The following GPR158 variants were observed in gnomAD, a reference collection of about 807,000 sequenced individuals.
The protein encoded by GPR158 is G protein-coupled receptor 158.
In GPR158, 30 loss-of-function variants were observed where a neutral mutation model predicts 78.2. That is an observed-to-expected ratio of 0.38 (90% CI 0.29 to 0.52). The LOEUF (loss-of-function observed/expected upper bound fraction) is 0.52, where lower values mean the gene tolerates loss of function less well. GPR158 is among the 20% of genes least tolerant of loss of function. The pLI is 0.83. For missense variants in GPR158, 1,463 were observed against 1,523.5 expected (o/e 0.96, Z 0.66); for synonymous variants, 581 against 591.1 (o/e 0.98, Z 0.25).
intron 2 of GPR158, among the ~76,000 whole-genome samples, chr10:25,382,706 A>G (rs1305027424): frequency 6.6e-6 from 1 of 152,168 alleles, no homozygotes; most frequent in Non-Finnish European, 1.5e-5. Flanking sequence ...GGCTTTAATA[A>G]ACTTGCAAAT....
chr10:25,338,490 AAT>A (rs1490373301), intron 2 of GPR158, among the ~76,000 whole-genome samples: 1 of 131,178 alleles, frequency 7.6e-6, no homozygotes, highest in Admixed American at 7.5e-5. Flanking sequence ...ATATACGTAT[AAT>A]ATACGTATAT....
intron 6 of GPR158, among the ~76,000 whole-genome samples, chr10:25,562,147 A>G (rs899348655): frequency 6.6e-6 from 1 of 151,938 alleles, no homozygotes; most frequent in African/African-American, 2.4e-5. Flanking sequence ...ACATAAAGTC[A>G]GTAGAAATAT....
rs200728149 is a variant in GPR158 at position 25,206,272 on chromosome 10, C to T, written c.903-14780C>T. Among the ~76,000 whole-genome samples, 5 of 152,120 alleles carry T rather than the reference C, an allele frequency of 3.3e-5. No individual in the cohort carries two copies. In the East Asian group the frequency reaches 9.6e-4, roughly 29 times the overall value. ...AAAGTGCTGGGATTACAGGCGTGAGCCACCGCGCCCGGCCCAGATATGGGT... is the reference window on the plus strand; with the variant it reads ...AAAGTGCTGGGATTACAGGCGTGAGTCACCGCGCCCGGCCCAGATATGGGT... On this transcript the variant is annotated intron_variant, in intron 1 of 10. Transcript: ENST00000376351.
chr10:25,596,614 G>A (rs947885665), intron 9 of GPR158, 29 bp from the exon 10 acceptor site: 1 of 1,589,054 alleles, frequency 6.3e-7, no homozygotes, highest in Non-Finnish European at 8.6e-7. Flanking sequence ...GTGAGCTAAT[G>A]TCTACTGCTC....
At chr10:25,582,373 A>T (rs757942814) in intron 7 of GPR158, among the ~76,000 whole-genome samples, 8 of 152,174 alleles carry the variant, frequency 5.3e-5, no homozygotes, top group Non-Finnish European at 8.8e-5. Flanking sequence ...CCCATGGGAA[A>T]CTGAAAACTT....
chr10:25,598,364 C>T lies in GPR158; in HGVS notation c.2738C>T (p.Thr913Ile), dbSNP rs1837440740. 6.2e-7 allele frequency: 1 copy of T among 1,613,976 alleles called. No individual in the cohort carries two copies. Among genetic ancestry groups the T allele is most frequent in the Admixed American group, 1.7e-5 (1 of 59,996 alleles). The stretch of plus-strand genomic sequence containing the variant: ...GTCATAGCAAGCGCCAAGGAGAAGA[C>T]TCTTGGATTAGCTGGGAAAACCCAA... ...LSVIASAKEKTLGLAGKTQTA... is the reference protein window; with the variant it reads ...LSVIASAKEKILGLAGKTQTA... Residue 913 changes from threonine to isoleucine, a missense_variant, in exon 11 of 11, where the codon ACT becomes ATT. Coordinates refer to ENST00000376351, the MANE Select transcript of GPR158 (RefSeq NM_020752.3).
chr10:25,262,561 T>C (rs1352658994), intron 2 of GPR158, among the ~76,000 whole-genome samples: 1 of 152,112 alleles, frequency 6.6e-6, no homozygotes, highest in East Asian at 1.9e-4. Flanking sequence ...TTTTGCAAAA[T>C]TAATAAACAT....
chr10:25,492,911 A>C (rs1166454932), intron 5 of GPR158, among the ~76,000 whole-genome samples: 1 of 148,944 alleles, frequency 6.7e-6, no homozygotes, highest in Non-Finnish European at 1.5e-5. Context: ...TTAATATATA[A>C]TATATTTCAA....
rs563034114 is a variant in GPR158 at position 25,555,535 on chromosome 10, C to T, written c.1514+4450C>T. Among the ~76,000 whole-genome samples, 30 of 152,260 alleles carry T rather than the reference C, an allele frequency of 2.0e-4. No individual in the cohort carries two copies. In the South Asian group the frequency reaches 5.6e-3, roughly 28 times the overall value. ...GGGTTCACAGAACCCCCCTGCTAAG[C>T]AATTTTCTTTTACAGAAACTTGAGA... On this transcript the variant is annotated intron_variant, in intron 6 of 10. Transcript: ENST00000376351.
At chr10:25,326,733 A>G (rs1855039617) in intron 2 of GPR158, among the ~76,000 whole-genome samples, 1 of 152,224 alleles carries the variant, frequency 6.6e-6, no homozygotes, top group South Asian at 2.1e-4. Context: ...GAATATTATT[A>G]AGAGAGTAGA....
chr10:25,570,370 TG>T (rs1344531181), intron 6 of GPR158, among the ~76,000 whole-genome samples: 1 of 152,242 alleles, frequency 6.6e-6, no homozygotes, highest in African/African-American at 2.4e-5. Context: ...CCAGTCTTTT[TG>T]AAATAAGGCC....
At chr10:25,265,451 A>C (rs1302569026) in intron 2 of GPR158, among the ~76,000 whole-genome samples, 4 of 152,148 alleles carry the variant, frequency 2.6e-5, no homozygotes, top group Non-Finnish European at 5.9e-5. Flanking sequence ...TGGGCATGTA[A>C]TAGAAAGGAG....
chr10:25,512,961 G>C (rs1836104562), intron 5 of GPR158, among the ~76,000 whole-genome samples: 1 of 151,944 alleles, frequency 6.6e-6, no homozygotes, highest in South Asian at 2.1e-4. Context: ...TTTTGCATCT[G>C]TGTTCATCAG....
At chr10:25,290,058 A>G (rs1290652825) in intron 2 of GPR158, among the ~76,000 whole-genome samples, 2 of 152,212 alleles carry the variant, frequency 1.3e-5, no homozygotes, top group Admixed American at 1.3e-4. Context: ...CTATGAGGTC[A>G]CAAACACAAA....
intron 2 of GPR158, among the ~76,000 whole-genome samples, chr10:25,305,971 T>C (rs74126540): frequency 5.9e-5 from 9 of 152,326 alleles, no homozygotes; most frequent in African/African-American, 2.2e-4. Context: ...TAATGATTCA[T>C]GTATTTTCAT....
chr10:25,342,878 TAGG>T (rs1855321738), intron 2 of GPR158, among the ~76,000 whole-genome samples: 1 of 151,806 alleles, frequency 6.6e-6, no homozygotes, highest in South Asian at 2.1e-4. Flanking sequence ...CGTTTCTGGT[TAGG>T]AGATGTTTCT....
chr10:25,598,948 C>G lies in GPR158; in HGVS notation c.3322C>G (p.Arg1108Gly). The part of the protein sequence containing the change: ...RAKEENGGQP[R>G]AANVCAGQSE... ...AAAAGAGGAGAACGGAGGTCAGCCT[C>G]GTGCAGCCAATGTGTGTGCTGGGCA... Residue 1108 changes from arginine (R) to glycine (G), a missense_variant, in exon 11 of 11, where the codon CGT becomes GGT. By Grantham distance (125) the Arg-to-Gly change is moderately radical (BLOSUM62 -2). Coordinates refer to ENST00000376351, the MANE Select transcript of GPR158 (RefSeq NM_020752.3). 1 of 1,613,964 alleles carries G rather than the reference C, an allele frequency of 6.2e-7. No individual in the cohort carries two copies. Among genetic ancestry groups the G allele is most frequent in the Non-Finnish European group, 8.5e-7 (1 of 1,179,992 alleles).
intron 2 of GPR158, among the ~76,000 whole-genome samples, chr10:25,384,722 A>G (rs1834200214): frequency 6.6e-6 from 1 of 151,556 alleles, no homozygotes; most frequent in African/African-American, 2.4e-5. Flanking sequence ...TCTTCCCTGT[A>G]TGCACCTCAT....
chr10:25,369,009 T>C (rs1833949512), intron 2 of GPR158, among the ~76,000 whole-genome samples: 1 of 150,922 alleles, frequency 6.6e-6, no homozygotes, highest in South Asian at 2.1e-4. Context: ...GTGATTTTCG[T>C]ACATTGATTT....
Sources: allele counts gnomAD v4.1 joint callset (sites outside exome capture counted in the v4.1 genomes callset), GRCh38; gene constraint gnomAD v4.1.1; transcripts MANE v1.5; gene names NCBI Gene and HGNC (gene_info 2026-07-23, HGNC 2026-07-21).